The following RPL28 variants were observed in gnomAD, a reference collection of about 807,000 sequenced individuals.
RPL28 encodes ribosomal protein L28.
A neutral mutation model predicts 12.5 loss-of-function variants in RPL28; 4 were observed. The observed-to-expected ratio is 0.32, with a 90% confidence interval of 0.16 to 0.73. The LOEUF is 0.73. Among genes scored for constraint, RPL28 ranks in the 30% least tolerant of loss-of-function variants. RPL28 has a pLI of 0.66. For missense variants in RPL28, 214 were observed against 197.7 expected, an observed-to-expected ratio of 1.08 and a Z score of -0.49; for synonymous variants, 91 against 72.5, an observed-to-expected ratio of 1.26 and a Z score of -1.30.
chr19:55,401,830 G>A (rs2090061643), intron 4 of RPL28: 1 of 1,550,662 alleles, frequency 6.4e-7, no homozygotes, highest in Non-Finnish European at 8.9e-7. Flanking sequence ...CTCCACAAGA[G>A]GGTGGCCTCC....
At chr19:55,401,750 G>A (rs1254408833) in intron 4 of RPL28, 5 of 1,613,104 alleles carry the variant, frequency 3.1e-6, no homozygotes, top group Non-Finnish European at 4.2e-6. Flanking sequence ...TGGATCAGCA[G>A]GCACTTGATG....
At chr19:55,386,246 A>T in intron 1 of RPL28, 104 bp from the exon 2 acceptor site, 7 of 1,067,944 alleles carry the variant, frequency 6.6e-6, no homozygotes, top group Non-Finnish European at 9.7e-6. Context: ...CATTCACCCA[A>T]GTTCCCAGTC....
downstream of RPL28, among the ~76,000 whole-genome samples, chr19:55,393,154 C>T (rs2090001917): frequency 6.6e-6 from 1 of 151,848 alleles, no homozygotes; most frequent in African/African-American, 2.4e-5. Context: ...CGCCCGCTCC[C>T]CTGCTGTCCC....
chr19:55,390,410 G>C lies in RPL28; in HGVS notation c.*2078G>C. The C allele has an allele frequency of 1.1e-6, 1 of 938,684 alleles. No homozygotes were observed. The highest frequency in any genetic ancestry group is 1.3e-6 in the Non-Finnish European group (1 of 787,344). The allele number at this position is 938,684 out of a possible 1,614,324, so 58.1% of individuals were successfully genotyped here. ...AGCAGAGATGGGGTTTCACCATTTTGCCCAGGCTGGTTTGGAACTCCTGAC... is the reference window on the plus strand; with the variant it reads ...AGCAGAGATGGGGTTTCACCATTTTCCCCAGGCTGGTTTGGAACTCCTGAC... On this transcript the variant is annotated 3_prime_UTR_variant, in exon 5 of 5. Coordinates refer to ENST00000344063, the MANE Select transcript of RPL28 (RefSeq NM_000991.5).
rs756088166 is a variant in RPL28, at chr19:55,389,610, G to A, written c.*1278G>A. The A allele has an allele frequency of 1.9e-5, 19 of 985,390 alleles. No individual in the cohort carries two copies. Among genetic ancestry groups the A allele is most frequent in the East Asian group, 1.1e-4 (1 of 8,832 alleles). The allele number at this position is 985,390 out of a possible 1,614,324, so 61.0% of individuals were successfully genotyped here. A position where few individuals can be genotyped will look rare whatever the true frequency, so the allele number is the denominator to read the frequency against. On this transcript the variant is annotated 3_prime_UTR_variant, in exon 5 of 5. Coordinates refer to ENST00000344063, the MANE Select transcript of RPL28 (RefSeq NM_000991.5). ...GGTCGTACGGGGCTGGGAGCCCTGC[G>A]TTTTGAGGCAGACCACTGCCCTTCC...
downstream of RPL28, among the ~76,000 whole-genome samples, chr19:55,395,960 A>G (rs2090020085): frequency 6.6e-6 from 1 of 152,092 alleles, no homozygotes. Context: ...TACAAGGCAT[A>G]TTGCACCTTG....
At position 55,390,779 on chromosome 19, in the gene RPL28, A is replaced by G. The variant is rs2089982798; in HGVS notation, c.*2447A>G. On this transcript the variant is annotated 3_prime_UTR_variant, in exon 5 of 5. Coordinates refer to ENST00000344063, the MANE Select transcript of RPL28 (RefSeq NM_000991.5). ...GGTGGGTTGGGGTGGAGGAACCAGG[A>G]GAGGGCTGGAGGGAGGGAGATGGTC... 1.0e-6 allele frequency: 1 copy of G among 985,324 alleles called. No homozygotes were observed. Among genetic ancestry groups the G allele is most frequent in the African/African-American group, 1.7e-5 (1 of 57,214 alleles). 61.0% of individuals were successfully genotyped at this position (985,324 alleles called of 1,614,324 possible).
chr19:55,388,962 C>G lies in RPL28; in HGVS notation c.*630C>G, dbSNP rs1011015092. On this transcript the variant is annotated 3_prime_UTR_variant, in exon 5 of 5. Transcript: ENST00000344063. ...GCATTGAGCAGCCTTAGCATTGTCCCCCTACTCCCGTCCTCCAGGTGTCCC... is the reference window on the plus strand; with the variant it reads ...GCATTGAGCAGCCTTAGCATTGTCCGCCTACTCCCGTCCTCCAGGTGTCCC... The G allele has an allele frequency of 1.0e-6, 1 of 985,498 alleles. No homozygotes were observed. Among genetic ancestry groups the G allele is most frequent in the Non-Finnish European group, 1.2e-6 (1 of 829,988 alleles). 61.0% of individuals were successfully genotyped at this position (985,498 alleles called of 1,614,324 possible).
intron 4 of RPL28, among the ~76,000 whole-genome samples, chr19:55,398,687 G>A (rs545280508): frequency 6.6e-6 from 1 of 152,038 alleles, no homozygotes; most frequent in Non-Finnish European, 1.5e-5. Context: ...TATACATTTT[G>A]TTGCGTGTGT....
chr19:55,393,925 C>T (rs1174501866), downstream of RPL28, among the ~76,000 whole-genome samples: 1 of 150,644 alleles, frequency 6.6e-6, no homozygotes, highest in Non-Finnish European at 1.5e-5. Flanking sequence ...GCTGGGATTA[C>T]AGGTGTGAGC....
downstream of RPL28, among the ~76,000 whole-genome samples, chr19:55,395,600 C>A (rs1222079975): frequency 6.6e-6 from 1 of 152,008 alleles, no homozygotes; most frequent in African/African-American, 2.4e-5. Flanking sequence ...CCCACCACCA[C>A]ACCCGGCTAA....
intron 1 of RPL28, 144 bp downstream of exon 1, chr19:55,386,109 A>G (rs964756863): frequency 2.5e-5 from 13 of 519,128 alleles, no homozygotes; most frequent in African/African-American, 2.3e-4. Context: ...TGAATTTTCA[A>G]GTTATTTTCC....
downstream of RPL28, among the ~76,000 whole-genome samples, chr19:55,396,769 A>ACAGG (rs977284569): frequency 2.7e-5 from 4 of 146,974 alleles, no homozygotes; most frequent in African/African-American, 5.1e-5. Context: ...TTTAGTAGAG[A>ACAGG]CAGGGTTTCA....
chr19:55,389,609 C>T lies in RPL28; in HGVS notation c.*1277C>T, dbSNP rs1290974078. On this transcript the variant is annotated 3_prime_UTR_variant, in exon 5 of 5. Coordinates refer to ENST00000344063, the MANE Select transcript of RPL28 (RefSeq NM_000991.5). ...GGGTCGTACGGGGCTGGGAGCCCTG[C>T]GTTTTGAGGCAGACCACTGCCCTTC... 12 of 985,364 alleles carry T rather than the reference C, an allele frequency of 1.2e-5. No homozygotes were observed. The South Asian group carries it at 1.4e-4, about 12-fold the overall frequency. The allele number at this position is 985,364 out of a possible 1,614,324, so 61.0% of individuals were successfully genotyped here. A position where few individuals can be genotyped will look rare whatever the true frequency, so the allele number is the denominator to read the frequency against.
chr19:55,402,018 T>C (rs144118801), intron 4 of RPL28, among the ~76,000 whole-genome samples: 1 of 152,290 alleles, frequency 6.6e-6, no homozygotes, highest in African/African-American at 2.4e-5. Context: ...ATGTCCCTGG[T>C]CCTCCGTGGA....
downstream of RPL28, among the ~76,000 whole-genome samples, chr19:55,392,513 G>A (rs1004238853): frequency 6.6e-6 from 1 of 151,440 alleles, no homozygotes; most frequent in African/African-American, 2.4e-5. Context: ...GATTACAAGC[G>A]TGAGCCACTG....
rs975126158 is a variant in RPL28 at position 55,389,771 on chromosome 19, G to T, written c.*1439G>T. On this transcript the variant is annotated 3_prime_UTR_variant, in exon 5 of 5. Transcript: ENST00000344063. ...TGGGTCTATTAGCTCAGATTGAGAG[G>T]TGTTGCCTTAAAACTGAGTTGGGTG... The T allele has an allele frequency of 2.0e-6, 2 of 985,542 alleles. No homozygotes were observed. Among genetic ancestry groups the T allele is most frequent in the South Asian group, 4.7e-5 (1 of 21,288 alleles). The allele number at this position is 985,542 out of a possible 1,614,324, so 61.0% of individuals were successfully genotyped here. A position where few individuals can be genotyped will look rare whatever the true frequency, so the allele number is the denominator to read the frequency against.
At chr19:55,402,130 A>G (rs1489822340) in intron 4 of RPL28, among the ~76,000 whole-genome samples, 1 of 152,210 alleles carries the variant, frequency 6.6e-6, no homozygotes, top group African/African-American at 2.4e-5. Flanking sequence ...ATTTGCCTCC[A>G]TGCAGTTCAG....
Position 55,389,110 on chromosome 19 carries a change from G to A in RPL28, c.*778G>A. ...CCAGCCCTCTTGTTTCCTTTGGCCT[G>A]TTTGCTCCCTAGTGTTTATTACAGC... On this transcript the variant is annotated 3_prime_UTR_variant, in exon 5 of 5. Coordinates refer to ENST00000344063, the MANE Select transcript of RPL28 (RefSeq NM_000991.5). The A allele has an allele frequency of 1.0e-6, 1 of 985,476 alleles. No homozygotes were observed. Among genetic ancestry groups the A allele is most frequent in the Non-Finnish European group, 1.2e-6 (1 of 830,000 alleles). The allele number at this position is 985,476 out of a possible 1,614,324, so 61.0% of individuals were successfully genotyped here. A position where few individuals can be genotyped will look rare whatever the true frequency, so the allele number is the denominator to read the frequency against.
Sources: allele counts gnomAD v4.1 joint callset (sites outside exome capture counted in the v4.1 genomes callset), GRCh38; gene constraint gnomAD v4.1.1; transcripts MANE v1.5; gene names NCBI Gene and HGNC (gene_info 2026-07-23, HGNC 2026-07-21).